Variants in ATXN7L1 observed in about 807,000 individuals in gnomAD.
The protein encoded by ATXN7L1 is ataxin 7 like 1.
A neutral mutation model predicts 70.8 loss-of-function variants in ATXN7L1; 15 were observed. That is an observed-to-expected ratio of 0.21 (90% confidence interval 0.14 to 0.33). The LOEUF is 0.33. ATXN7L1 is among the 10% of genes least tolerant of loss of function. ATXN7L1 has a pLI of 1.00. For missense variants in ATXN7L1, 975 were observed against 1,097.1 expected, an observed-to-expected ratio of 0.89 and a Z score of 1.57; for synonymous variants, 440 against 445.1, an observed-to-expected ratio of 0.99 and a Z score of 0.14.
chr7:105,712,506 C>T (rs1421209045), intron 3 of ATXN7L1, among the ~76,000 whole-genome samples: 1 of 152,184 alleles, frequency 6.6e-6, no homozygotes, highest in African/African-American at 2.4e-5. Flanking sequence ...CTTTTAGAAA[C>T]AACCAGGTCA....
chr7:105,722,557 C>CAG (rs1563037162), intron 3 of ATXN7L1, among the ~76,000 whole-genome samples: 3 of 47,964 alleles, frequency 6.3e-5, no homozygotes, highest in South Asian at 7.3e-4. Flanking sequence ...TGAGACTCTG[C>CAG]CTTAAAAAAA....
At chr7:105,616,419 C>A (rs1793899134) in intron 9 of ATXN7L1, among the ~76,000 whole-genome samples, 1 of 152,190 alleles carries the variant, frequency 6.6e-6, no homozygotes, top group African/African-American at 2.4e-5. Context: ...AGGGTAGAAT[C>A]CAGAGGAATC....
At chr7:105,801,081 T>C (rs1355490087) in intron 2 of ATXN7L1, among the ~76,000 whole-genome samples, 1 of 152,168 alleles carries the variant, frequency 6.6e-6, no homozygotes, top group Non-Finnish European at 1.5e-5. Context: ...AATAGGGTAG[T>C]TGTCAGAATA....
intron 2 of ATXN7L1, among the ~76,000 whole-genome samples, chr7:105,790,438 G>T (rs954881221): frequency 6.6e-6 from 1 of 151,924 alleles, no homozygotes; most frequent in Non-Finnish European, 1.5e-5. Flanking sequence ...AAAATCAGCC[G>T]GGTGAGGTGA....
intron 3 of ATXN7L1, among the ~76,000 whole-genome samples, chr7:105,716,677 ACACAC>A (rs1794591285): frequency 1.3e-5 from 1 of 74,802 alleles, no homozygotes; most frequent in Admixed American, 1.1e-4. Context: ...ACACACACAC[ACACAC>A]ACACACACAC....
At chr7:105,819,576 C>A in intron 2 of ATXN7L1, 1 of 1,128,900 alleles carries the variant, frequency 8.9e-7, no homozygotes, top group Non-Finnish European at 1.3e-6. Context: ...GTAGGTACTG[C>A]TGGGCCGGAA....
Position 105,740,784 on chromosome 7 carries a change from T to TG in ATXN7L1, c.355+47819_355+47820insC, listed in dbSNP as rs556048408. ...GGCTCCATTCATTTTTTTTTTTTTT[T>TG]AATGGAGTCTCACTCTGTCGCCCAG... On this transcript the variant is annotated intron_variant, in intron 3 of 11. Transcript: ENST00000419735. Among the ~76,000 whole-genome samples the TG allele has an allele frequency of 2.6e-4, 20 of 77,926 alleles. 4 individuals carry two copies. The highest frequency in any genetic ancestry group is 1.2e-3 in the African/African-American group (19 of 16,332). 51.1% of individuals were successfully genotyped at this position (77,926 alleles called of 152,430 possible).
At chr7:105,800,088 C>G (rs1806588957) in intron 2 of ATXN7L1, among the ~76,000 whole-genome samples, 1 of 152,140 alleles carries the variant, frequency 6.6e-6, no homozygotes, top group Non-Finnish European at 1.5e-5. Context: ...AATTAAAACT[C>G]CCCCATAGAA....
intron 2 of ATXN7L1, among the ~76,000 whole-genome samples, chr7:105,873,715 G>A (rs1046591543): frequency 3.3e-5 from 5 of 152,190 alleles, no homozygotes; most frequent in Non-Finnish European, 7.3e-5. Context: ...TGTCCTTAAT[G>A]CAAATATGTA....
At chr7:105,622,758 T>C (rs1795118919) in intron 8 of ATXN7L1, among the ~76,000 whole-genome samples, 1 of 152,220 alleles carries the variant, frequency 6.6e-6, no homozygotes, top group Non-Finnish European at 1.5e-5. Flanking sequence ...GGGGTTTTCA[T>C]AGGAAGATTT....
chr7:105,835,704 T>C (rs1029781768), intron 2 of ATXN7L1, among the ~76,000 whole-genome samples: 39 of 152,150 alleles, frequency 2.6e-4, no homozygotes, highest in Non-Finnish European at 5.3e-4. Flanking sequence ...TGGAGACAGT[T>C]TCTCTTCTGG....
chr7:105,758,862 C>T (rs1182369239), intron 3 of ATXN7L1, among the ~76,000 whole-genome samples: 1 of 152,148 alleles, frequency 6.6e-6, no homozygotes, highest in Admixed American at 6.5e-5. Flanking sequence ...CATCTGAACA[C>T]AGGACAGTAA....
intron 7 of ATXN7L1, among the ~76,000 whole-genome samples, chr7:105,633,313 G>A (rs746627371): frequency 6.6e-6 from 1 of 152,188 alleles, no homozygotes; most frequent in Non-Finnish European, 1.5e-5. Context: ...GGAAACAGGC[G>A]CTTGAACACA....
intron 3 of ATXN7L1, among the ~76,000 whole-genome samples, chr7:105,699,701 T>C (rs1792196870): frequency 6.6e-6 from 1 of 152,154 alleles, no homozygotes; most frequent in Admixed American, 6.5e-5. Context: ...TCTCTTGTCT[T>C]CTGTTGTTTA....
In ATXN7L1 at chr7:105,690,297, G is replaced by A. The variant is rs141767482; in HGVS notation, c.356-25009C>T. ...TGGGATTACAGGCATGAGCCACCGCGCCCAGCAAAAAAAAGCATTCATATG... is the reference window on the plus strand; with the variant it reads ...TGGGATTACAGGCATGAGCCACCGCACCCAGCAAAAAAAAGCATTCATATG... On this transcript the variant is annotated intron_variant, in intron 3 of 11. Coordinates refer to ENST00000419735, the MANE Select transcript of ATXN7L1 (RefSeq NM_020725.2). Among the ~76,000 whole-genome samples the A allele has an allele frequency of 3.2e-3, 492 of 152,200 alleles. 3 individuals are homozygous for A. Among genetic ancestry groups the A allele is most frequent in the Middle Eastern group, 0.01 (3 of 294 alleles).
chr7:105,764,003 G>A (rs781533465), intron 3 of ATXN7L1, among the ~76,000 whole-genome samples: 13 of 151,892 alleles, frequency 8.6e-5, no homozygotes, highest in African/African-American at 1.7e-4. Flanking sequence ...ACAGGTGCCC[G>A]CCACCATGCC....
intron 3 of ATXN7L1, among the ~76,000 whole-genome samples, chr7:105,693,829 G>C (rs1791361503): frequency 6.6e-6 from 1 of 152,092 alleles, no homozygotes; most frequent in Non-Finnish European, 1.5e-5. Flanking sequence ...ACTATATATA[G>C]AAATTGTTTC....
At chr7:105,852,104 T>C (rs938445177) in intron 2 of ATXN7L1, among the ~76,000 whole-genome samples, 2 of 152,202 alleles carry the variant, frequency 1.3e-5, no homozygotes, top group African/African-American at 4.8e-5. Flanking sequence ...TTCCATCACC[T>C]TCCTGTTCTA....
chr7:105,671,486 A>G (rs1250349804), intron 3 of ATXN7L1, among the ~76,000 whole-genome samples: 1 of 152,210 alleles, frequency 6.6e-6, no homozygotes, highest in Admixed American at 6.5e-5. Context: ...AATCACTATC[A>G]GAACACCCGT....
Sources: allele counts gnomAD v4.1 joint callset (sites outside exome capture counted in the v4.1 genomes callset), GRCh38; gene constraint gnomAD v4.1.1; transcripts MANE v1.5; gene names NCBI Gene and HGNC (gene_info 2026-07-23, HGNC 2026-07-21).